MAP7D3: variants seen among roughly 807,000 people sequenced by gnomAD.
MAP7D3 encodes MAP7 domain containing 3.
Under a neutral mutation model 62.2 loss-of-function variants are expected in MAP7D3, and 45 were observed. The observed-to-expected ratio is 0.72, with a 90% CI of 0.57 to 0.93. The LOEUF (loss-of-function observed/expected upper bound fraction) is 0.93, where lower values mean the gene tolerates loss of function less well. Among genes scored for constraint, MAP7D3 ranks in the 40% least tolerant of loss-of-function variants. The pLI is 0.00. For missense variants in MAP7D3, 711 were observed against 683.1 expected, an observed-to-expected ratio of 1.04 and a Z score of -0.45; for synonymous variants, 288 against 248.8, an observed-to-expected ratio of 1.16 and a Z score of -1.48.
rs745425325 is a variant in MAP7D3 at position 136,228,682 on chromosome X, A to G, written c.1827T>C (p.Leu609=). The change falls in exon 11 of 19, where the codon CTT becomes CTC. Residue 609 remains leucine, a synonymous_variant. Transcript: ENST00000316077. The part of the protein sequence containing the change: ...ATKILTELRR[L]AREQREKEEE... ...CCTCTTTTTCTCTTTGTTCACGAGC[A>G]AGGCGGCGCAATTCTGTCAAAATTT... The G allele has an allele frequency of 2.0e-5, 24 of 1,205,683 alleles. No homozygotes were observed. The highest frequency in any genetic ancestry group is 2.6e-5 in the Non-Finnish European group (23 of 892,937).
intron 4 of MAP7D3, 59 bp downstream of exon 4, chrX:136,244,573 T>C (rs41301501): frequency 0.055 from 58,006 of 1,063,764 alleles, 1,293 homozygotes; most frequent in Non-Finnish European, 0.065. Context: ...GAGAAAACAA[T>C]ATTCTAGACT....
Position 136,220,964 on chromosome X carries a change from C to T in MAP7D3, c.2288-1G>A, listed in dbSNP as rs2074119548. On this transcript the variant is annotated splice_acceptor_variant, in intron 15 of 18. Transcript: ENST00000316077. LOFTEE classifies it high-confidence loss of function. ...GGTGAGCCTGTGCCATTTAGAATGG[C>T]TAGGAAAAAAAATTACACAATTAAA... 2 of 1,162,522 alleles carry T rather than the reference C, an allele frequency of 1.7e-6. No individual in the cohort carries two copies. Among genetic ancestry groups the T allele is most frequent in the Non-Finnish European group, 1.2e-6 (1 of 856,176 alleles).
chrX:136,230,451 T>G lies in MAP7D3; in HGVS notation c.1684A>C (p.Lys562Gln). Residue 562 changes from lysine to glutamine, a missense_variant, in exon 10 of 19, where the codon AAA becomes CAA. Coordinates refer to ENST00000316077, the MANE Select transcript of MAP7D3 (RefSeq NM_024597.4). ...TTAGTGGTTTTAGAAACTGTTTCTT[T>G]TTTCTTTTTGACAGTACTTGATGCA... Reference protein sequence around the residue: ...QSASSTVKKKKETVSKTTNRC... With the variant: ...QSASSTVKKKQETVSKTTNRC... The G allele has an allele frequency of 8.3e-7, 1 of 1,204,253 alleles. No homozygotes were observed. The highest frequency in any genetic ancestry group is 1.1e-6 in the Non-Finnish European group (1 of 888,853).
chrX:136,240,208 C>CA (rs34003803), intron 6 of MAP7D3, among the ~76,000 whole-genome samples, 174 bp downstream of exon 6: 2,123 of 67,326 alleles, frequency 0.032, 79 homozygotes, highest in African/African-American at 0.11. Flanking sequence ...GACTCTGTCT[C>CA]AAAAAAAAAA....
intron 8 of MAP7D3, chrX:136,231,232 C>T (rs1052133802): frequency 2.7e-5 from 9 of 328,162 alleles, no homozygotes; most frequent in African/African-American, 2.2e-4. Context: ...ATTTCCAAAT[C>T]CTAACTCAGG....
intron 6 of MAP7D3, among the ~76,000 whole-genome samples, chrX:136,239,540 C>T (rs2074365367): frequency 8.9e-6 from 1 of 112,068 alleles, no homozygotes; most frequent in Non-Finnish European, 1.9e-5. Context: ...GTAGAAATCA[C>T]TGAATTTCTT....
Position 136,227,411 on chromosome X carries a change from T to C in MAP7D3, c.1907A>G (p.Asp636Gly). ...GCCTCCAACTGCTTCCTTTGCCATG[T>C]CTTTTGATTTCTTAATGACCCTGAG... ...MQQRVIKKSK[D>G]MAKEAVGGQA... The change falls in exon 12 of 19, where the codon GAC becomes GGC. Residue 636 changes from aspartate to glycine, a missense_variant. Asp to Gly is a moderately conservative substitution (Grantham distance 94, BLOSUM62 -1). Transcript: ENST00000316077. 1 of 1,192,024 alleles carries C rather than the reference T, an allele frequency of 8.4e-7. No individual in the cohort carries two copies. The highest frequency in any genetic ancestry group is 1.1e-6 in the Non-Finnish European group (1 of 880,396).
chrX:136,251,482 G>GGC, upstream of MAP7D3: 26 of 733,022 alleles, frequency 3.5e-5, no homozygotes, highest in Non-Finnish European at 4.3e-5. Context: ...GCGGGGCGGG[G>GGC]CCCGAAGGGC....
chrX:136,219,948 T>C (rs983485185), intron 16 of MAP7D3, among the ~76,000 whole-genome samples: 1 of 110,852 alleles, frequency 9.0e-6, no homozygotes, highest in African/African-American at 3.3e-5. Flanking sequence ...CTTACATTGG[T>C]CAAGGATGCG....
upstream of MAP7D3, among the ~76,000 whole-genome samples, chrX:136,252,512 AC>A (rs1423596930): frequency 1.1e-4 from 12 of 105,148 alleles, no homozygotes; most frequent in African/African-American, 3.8e-4. Flanking sequence ...CTCCGACTCT[AC>A]TAAAAATACA....
chrX:136,256,325 A>G, upstream of MAP7D3: 1 of 1,154,587 alleles, frequency 8.7e-7, no homozygotes, highest in Non-Finnish European at 1.1e-6. Context: ...GTCATGTCTC[A>G]CTTGGTTGAT....
At chrX:136,221,701 T>C (rs2074132500) in intron 15 of MAP7D3, 1 of 112,593 alleles carries the variant, frequency 8.9e-6, no homozygotes, top group Non-Finnish European at 1.9e-5. Flanking sequence ...CTTACTGCTA[T>C]GTTCTCATTG....
intron 7 of MAP7D3, among the ~76,000 whole-genome samples, chrX:136,234,147 G>A (rs1194882559): frequency 9.1e-6 from 1 of 109,500 alleles, no homozygotes; most frequent in Non-Finnish European, 1.9e-5. Context: ...AAAGCAAAGG[G>A]AGTGGGATAT....
intron 12 of MAP7D3, among the ~76,000 whole-genome samples, chrX:136,227,039 G>T (rs1408329235): frequency 8.9e-6 from 1 of 111,777 alleles, no homozygotes; most frequent in Non-Finnish European, 1.9e-5. Context: ...TGAGGCAGGA[G>T]AATGGCTTGA....
intron 5 of MAP7D3, 95 bp downstream of exon 5, chrX:136,241,065 C>T (rs1394590586): frequency 2.0e-6 from 1 of 512,370 alleles, no homozygotes; most frequent in South Asian, 2.8e-5. Context: ...AGGATACAAA[C>T]ACTAAAATCT....
chrX:136,238,125 T>C (rs1331012232), intron 6 of MAP7D3, among the ~76,000 whole-genome samples: 2 of 111,778 alleles, frequency 1.8e-5, no homozygotes, highest in African/African-American at 3.3e-5. Context: ...CAGTCTATCA[T>C]TGATGGACAT....
rs1217136823 is a variant in MAP7D3, at chrX:136,231,991, G to A, written c.966C>T (p.Ser322=). 2.5e-6 allele frequency: 3 copies of A among 1,210,513 alleles called. No homozygotes were observed. Among genetic ancestry groups the A allele is most frequent in the South Asian group, 1.8e-5 (1 of 56,935 alleles). ...GGGCCATGCCCACACCTGCCTTGGG[G>A]GACGCTTCCATGCTTGTGTTGCAGA... ...EVFCNTSMEA[S]PKAGVGMAPE... is the part of the protein sequence containing the mutation. Residue 322 remains serine, a synonymous_variant, in exon 8 of 19, where the codon TCC becomes TCT. Transcript: ENST00000316077.
upstream of MAP7D3, among the ~76,000 whole-genome samples, chrX:136,255,195 A>G (rs973164975): frequency 1.9e-4 from 21 of 112,616 alleles, no homozygotes; most frequent in Non-Finnish European, 3.6e-4. Flanking sequence ...CAGCCTGGGC[A>G]ACAAGAGCAA....
At chrX:136,251,505 C>T (rs897875843), upstream of MAP7D3, 4 of 843,584 alleles carry the variant, frequency 4.7e-6, no homozygotes, top group African/African-American at 6.6e-5. Context: ...CCGCGCCCGC[C>T]TCGGACCTGC....
Sources: gnomAD v4.1 joint callset for allele counts (sites outside exome capture counted in the v4.1 genomes callset) on GRCh38, gnomAD v4.1.1 for gene constraint, MANE v1.5 for transcripts, NCBI Gene and HGNC (gene_info 2026-07-23, HGNC 2026-07-21) for gene names.